The following UNC13B variants were observed in gnomAD, a reference collection of about 807,000 sequenced individuals.
The protein encoded by UNC13B is protein unc-13 homolog B.
UNC13B carries 144 observed loss-of-function variants against 211.0 expected under a neutral mutation model. The ratio of observed to expected loss-of-function variants is 0.68; its 90% CI spans 0.60 to 0.78. UNC13B has a LOEUF of 0.78. Ranked by LOEUF, UNC13B falls within the 30% of genes least tolerant of loss-of-function variation. The probability of loss-of-function intolerance (pLI) is 0.00; values close to 1 mark genes in which losing one functional copy is unlikely to be tolerated. For synonymous variants in UNC13B, 709 were observed against 725.8 expected, an observed-to-expected ratio of 0.98 and a Z score of 0.37; for missense variants, 1,777 against 2,002.0, an observed-to-expected ratio of 0.89 and a Z score of 2.14.
chr9:35,308,890 A>G (rs1830050324), intron 9 of UNC13B, among the ~76,000 whole-genome samples: 1 of 152,176 alleles, frequency 6.6e-6, no homozygotes, highest in Non-Finnish European at 1.5e-5. Flanking sequence ...TCCAGTGGCA[A>G]TGAGTGTATT....
intron 6 of UNC13B, 53 bp from the exon 7 acceptor site, chr9:35,258,940 T>A (rs1321701621): frequency 9.5e-6 from 15 of 1,577,888 alleles, no homozygotes; most frequent in African/African-American, 1.4e-5. Flanking sequence ...TCCCTGTCTT[T>A]ACTTGGGCTT....
At position 35,259,036 on chromosome 9, in the gene UNC13B, C is replaced by T; in HGVS notation, c.512C>T (p.Ala171Val). Residue 171 changes from alanine to valine, a missense_variant, in exon 7 of 40, where the codon GCT becomes GTT. Coordinates refer to ENST00000635942, the MANE Select transcript of UNC13B (RefSeq NM_001371189.2). Reference sequence around the variant, plus strand: ...AGCCAGAGGAAGCCATTGCCCACTGCTGCCGCCCAGTGTTGTAAGTGAGAA... The same window carrying T: ...AGCCAGAGGAAGCCATTGCCCACTGTTGCCGCCCAGTGTTGTAAGTGAGAA... ...EESQRKPLPT[A>V]AAQCSFEDPD... is the part of the protein sequence containing the mutation. The T allele has an allele frequency of 1.2e-6, 2 of 1,613,982 alleles. No individual in the cohort carries two copies. Among genetic ancestry groups the T allele is most frequent in the Admixed American group, 1.7e-5 (1 of 60,004 alleles).
Position 35,403,503 on chromosome 9 carries a change from CTA to C in UNC13B, c.12643_12644del (p.Met4215GlyfsTer7). On this transcript the variant is annotated frameshift_variant, in exon 39 of 40. Coordinates refer to ENST00000635942, the MANE Select transcript of UNC13B (RefSeq NM_001371189.2). LOFTEE classifies it high-confidence loss of function. ...ATGTTCCGGCCTTTCGTGGAGGTGACTATGGTTGGCCCACACCAAAGTGATAA... is the reference window on the plus strand; with the variant it reads ...ATGTTCCGGCCTTTCGTGGAGGTGACTGGTTGGCCCACACCAAAGTGATAA... 5.6e-6 allele frequency: 9 copies of C among 1,614,104 alleles called. No homozygotes were observed. The highest frequency in any genetic ancestry group is 7.6e-6 in the Non-Finnish European group (9 of 1,180,030).
chr9:35,260,903 A>G (rs924486792), intron 7 of UNC13B, among the ~76,000 whole-genome samples: 1 of 152,320 alleles, frequency 6.6e-6, no homozygotes. Flanking sequence ...GGTCTCATTG[A>G]TGAAATATAA....
chr9:35,201,432 C>T (rs1823280870), intron 1 of UNC13B, among the ~76,000 whole-genome samples: 2 of 152,136 alleles, frequency 1.3e-5, no homozygotes, highest in Non-Finnish European at 2.9e-5. Flanking sequence ...CTTTGTACCT[C>T]TGGTAGAATT....
At position 35,258,887 on chromosome 9, in the gene UNC13B, G is replaced by A; in HGVS notation, c.469-106G>A. On this transcript the variant is annotated intron_variant, in intron 6 of 39. Coordinates refer to ENST00000635942, the MANE Select transcript of UNC13B (RefSeq NM_001371189.2). ...TCTGTTTCTGTTCAATAAAAATTTT[G>A]TTTCCAAACACTAAACCTTTTTATA... 4.5e-6 allele frequency: 5 copies of A among 1,106,746 alleles called. No individual in the cohort carries two copies. The South Asian group carries it at 7.4e-5, about 16-fold the overall frequency. The allele number at this position is 1,106,746 out of a possible 1,614,324, so 68.6% of individuals were successfully genotyped here. A position where few individuals can be genotyped will look rare whatever the true frequency, so the allele number is the denominator to read the frequency against.
At chr9:35,200,509 G>A (rs1477021872) in intron 1 of UNC13B, among the ~76,000 whole-genome samples, 1 of 151,974 alleles carries the variant, frequency 6.6e-6, no homozygotes, top group Non-Finnish European at 1.5e-5. Flanking sequence ...CTTTTATTTT[G>A]TTGAGCAGTG....
chr9:35,323,138 C>CATGTGTGTGCCCCAAAACTTGT, intron 11 of UNC13B, among the ~76,000 whole-genome samples: 1 of 151,794 alleles, frequency 6.6e-6, no homozygotes, highest in South Asian at 2.1e-4. Flanking sequence ...CATTTATGAG[C>CATGTGTGTGCCCCAAAACTTGT]ATGTGTGTGC....
intron 5 of UNC13B, among the ~76,000 whole-genome samples, chr9:35,241,411 T>G (rs1373094655): frequency 6.6e-6 from 1 of 152,150 alleles, no homozygotes. Context: ...CTTAAAACTA[T>G]TTTTGTGGAA....
At chr9:35,339,785 A>T (rs1187631809) in intron 11 of UNC13B, among the ~76,000 whole-genome samples, 1 of 152,252 alleles carries the variant, frequency 6.6e-6, no homozygotes, top group South Asian at 2.1e-4. Flanking sequence ...TGTTTGGGTG[A>T]CAAGACAGGG....
At chr9:35,316,678 G>A (rs1229653153) in intron 11 of UNC13B, among the ~76,000 whole-genome samples, 1 of 152,022 alleles carries the variant, frequency 6.6e-6, no homozygotes, top group African/African-American at 2.4e-5. Flanking sequence ...TCACAATTTT[G>A]CAAGAACGGC....
chr9:35,204,495 C>T (rs1455206737), intron 1 of UNC13B, among the ~76,000 whole-genome samples: 4 of 152,212 alleles, frequency 2.6e-5, no homozygotes, highest in South Asian at 4.1e-4. Flanking sequence ...GAGAGCAACT[C>T]TGAAGGCTGA....
At chr9:35,208,725 A>T (rs1429731512) in intron 1 of UNC13B, among the ~76,000 whole-genome samples, 1 of 152,176 alleles carries the variant, frequency 6.6e-6, no homozygotes, top group Admixed American at 6.5e-5. Context: ...TAAAGCTTTC[A>T]TGAGAACTCC....
At chr9:35,341,915 G>A in intron 11 of UNC13B, 12 of 985,564 alleles carry the variant, frequency 1.2e-5, no homozygotes, top group Non-Finnish European at 1.4e-5. Flanking sequence ...GCCCAGAATC[G>A]ATTGAGTTAG....
intron 1 of UNC13B, among the ~76,000 whole-genome samples, chr9:35,220,481 G>T (rs1824512183): frequency 6.6e-6 from 1 of 151,680 alleles, no homozygotes; most frequent in African/African-American, 2.4e-5. Flanking sequence ...CTGTTTCCAT[G>T]AGTTCAATTG....
chr9:35,291,158 A>C (rs911255289), intron 7 of UNC13B: 34 of 1,502,148 alleles, frequency 2.3e-5, no homozygotes, highest in Non-Finnish European at 2.9e-5. Flanking sequence ...CACAAAGTAC[A>C]TACTCCCTCT....
At chr9:35,297,038 C>T (rs936106562) in intron 8 of UNC13B, among the ~76,000 whole-genome samples, 2 of 151,028 alleles carry the variant, frequency 1.3e-5, no homozygotes, top group Non-Finnish European at 2.9e-5. Flanking sequence ...TCCTTAGCTT[C>T]CTTTAATTTA....
At position 35,404,346 on chromosome 9, in the gene UNC13B, C is replaced by G. The variant is rs1836545664; in HGVS notation, c.*313C>G. The G allele has an allele frequency of 2.6e-6, 1 of 384,894 alleles. No homozygotes were observed. Among genetic ancestry groups the G allele is most frequent in the Non-Finnish European group, 4.8e-6 (1 of 208,338 alleles). The allele number at this position is 384,894 out of a possible 1,614,324, so 23.8% of individuals were successfully genotyped here. ...TCTTGGTAGACACCTCTCCACTCCT[C>G]ATCCCACCTCTACCCATCTCCATGC... On this transcript the variant is annotated 3_prime_UTR_variant, in exon 40 of 40. Coordinates refer to ENST00000635942, the MANE Select transcript of UNC13B (RefSeq NM_001371189.2).
rs968241742 is a variant in UNC13B at position 35,305,726 on chromosome 9, G to A, written c.6322G>A (p.Val2108Met). The A allele has an allele frequency of 1.0e-5, 4 of 398,872 alleles. No individual in the cohort carries two copies. Among genetic ancestry groups the A allele is most frequent in the Non-Finnish European group, 1.3e-5 (3 of 226,028 alleles). 24.7% of individuals were successfully genotyped at this position (398,872 alleles called of 1,614,324 possible). A position where few individuals can be genotyped will look rare whatever the true frequency, so the allele number is the denominator to read the frequency against. ...GGAGTCTTCAGTAGAAACTAGTGGTGTGACTACAGTGACAGAAGTTTCAAA... is the reference window on the plus strand; with the variant it reads ...GGAGTCTTCAGTAGAAACTAGTGGTATGACTACAGTGACAGAAGTTTCAAA... ...SRESSVETSG[V>M]TTVTEVSKSN... The change falls in exon 9 of 40, where the codon GTG becomes ATG. Residue 2108 changes from valine to methionine, a missense_variant. Coordinates refer to ENST00000635942, the MANE Select transcript of UNC13B (RefSeq NM_001371189.2).
Sources: allele counts gnomAD v4.1 joint callset (sites outside exome capture counted in the v4.1 genomes callset), GRCh38; gene constraint gnomAD v4.1.1; transcripts MANE v1.5; gene names NCBI Gene and HGNC (gene_info 2026-07-23, HGNC 2026-07-21).